Variants in NOA1 observed in about 807,000 individuals in gnomAD.
NOA1 encodes nitric oxide associated 1.
In NOA1, 35 loss-of-function variants were observed where a neutral mutation model predicts 58.4. That is an observed-to-expected ratio of 0.60 (90% CI 0.46 to 0.79). NOA1 has a LOEUF of 0.79. Among genes scored for constraint, NOA1 ranks in the 30% least tolerant of loss-of-function variants. The probability of loss-of-function intolerance (pLI) is 0.00; values close to 1 mark genes in which losing one functional copy is unlikely to be tolerated. For missense variants in NOA1, 895 were observed against 894.6 expected (o/e 1.00, Z -0.01); for synonymous variants, 397 against 373.4 (o/e 1.06, Z -0.73).
At chr4:56,968,929 G>T (rs983061680) in intron 3 of NOA1, among the ~76,000 whole-genome samples, 5 of 152,158 alleles carry the variant, frequency 3.3e-5, no homozygotes, top group Non-Finnish European at 5.9e-5. Flanking sequence ...TGTCCTAGTG[G>T]TAAGTATGCA....
chr4:56,964,667 C>A, intron 5 of NOA1, 141 bp from the exon 6 acceptor site: 1 of 944,870 alleles, frequency 1.1e-6, no homozygotes, highest in Non-Finnish European at 1.6e-6. Context: ...AAAGAACTTG[C>A]AATCACTTCT....
Position 56,968,584 on chromosome 4 carries a change from G to A in NOA1, c.1516-69C>T, listed in dbSNP as rs1028309543. On this transcript the variant is annotated intron_variant, in intron 3 of 6. Coordinates refer to ENST00000264230, the MANE Select transcript of NOA1 (RefSeq NM_032313.4). ...AAATATGATATATTATGATTTACCC[G>A]TAAAATAAAAAGTGATGAAAAATAT... 3.6e-5 allele frequency: 45 copies of A among 1,264,226 alleles called. No homozygotes were observed. The Admixed American group carries it at 4.1e-4, about 12-fold the overall frequency. The allele number at this position is 1,264,226 out of a possible 1,614,324, so 78.3% of individuals were successfully genotyped here.
chr4:56,973,437 GT>G, intron 2 of NOA1, 84 bp from the exon 3 acceptor site: 6 of 1,164,602 alleles, frequency 5.2e-6, no homozygotes, highest in Non-Finnish European at 7.7e-6. Flanking sequence ...CCTCAAACAA[GT>G]TACTAAGATT....
At chr4:56,971,588 G>A (rs565133539) in intron 3 of NOA1, among the ~76,000 whole-genome samples, 39 of 152,144 alleles carry the variant, frequency 2.6e-4, no homozygotes, top group Admixed American at 4.6e-4. Flanking sequence ...ATGTGGTTTT[G>A]TAGGGAGATA....
rs1421002564 is a variant in NOA1 at position 56,973,331 on chromosome 4, C to T, written c.1332G>A (p.Leu444=). 3.7e-6 allele frequency: 6 copies of T among 1,613,882 alleles called. No individual in the cohort carries two copies. Among genetic ancestry groups the T allele is most frequent in the Middle Eastern group, 1.6e-4 (1 of 6,084 alleles). The part of the protein sequence containing the change: ...YVVGRVGRTF[L]YSEEQKDNIP... ...TGTTATCCTTCTGTTCTTCTGAATA[C>T]AAGAATGTCCTTCCAACTCTTCCTA... The change falls in exon 3 of 7, where the codon TTG becomes TTA. Residue 444 remains leucine, a synonymous_variant. Transcript: ENST00000264230.
intron 5 of NOA1, among the ~76,000 whole-genome samples, chr4:56,966,023 T>C (rs904016148): frequency 1.4e-4 from 19 of 138,036 alleles, no homozygotes; most frequent in South Asian, 1.2e-3. Flanking sequence ...ATTTTCTTTT[T>C]TTTTTTTTTT....
At position 56,977,089 on chromosome 4, in the gene NOA1, C is replaced by A. The variant is rs1264226942; in HGVS notation, c.497G>T (p.Arg166Leu). ...PGYLPREKFL[R>L]TAEADGGLAR... ...CAGCCCGCCGTCTGCCTCCGCCGTG[C>A]GGAGGAACTTCTCTCGGGGCAGGTA... The change falls in exon 1 of 7, where the codon CGC (arginine) becomes CTC (leucine). Residue 166 changes from arginine to leucine, a missense_variant. Physicochemically the swap from Arg to Leu is moderately radical, Grantham distance 102 (BLOSUM62 -2). This residue lies in a region of NOA1 where 680 missense variants were observed against 656.5 expected (regional missense o/e 1.04). Transcript: ENST00000264230. The A allele has an allele frequency of 3.9e-5, 61 of 1,569,398 alleles. No homozygotes were observed. The highest frequency in any genetic ancestry group is 5.0e-5 in the Non-Finnish European group (58 of 1,161,444).
At position 56,977,485 on chromosome 4, in the gene NOA1, C is replaced by A; in HGVS notation, c.101G>T (p.Arg34Met). 6.2e-7 allele frequency: 1 copy of A among 1,613,886 alleles called. No individual in the cohort carries two copies. Among genetic ancestry groups the A allele is most frequent in the Non-Finnish European group, 8.5e-7 (1 of 1,180,034 alleles). ...RHGLREPLLE[R>M]RCAAASSFQH... ...GAAGGAGGAGGCGGCAGCGCACCTCCTCTCCAGGAGCGGCTCCCGGAGGCC... is the reference window on the plus strand; with the variant it reads ...GAAGGAGGAGGCGGCAGCGCACCTCATCTCCAGGAGCGGCTCCCGGAGGCC... The change falls in exon 1 of 7, where the codon AGG (arginine) becomes ATG (methionine). Residue 34 changes from arginine to methionine, a missense_variant. Arg to Met is a moderately conservative substitution (Grantham distance 91). Coordinates refer to ENST00000264230, the MANE Select transcript of NOA1 (RefSeq NM_032313.4).
intron 4 of NOA1, among the ~76,000 whole-genome samples, chr4:56,966,988 A>T (rs1721723575): frequency 6.6e-6 from 1 of 152,196 alleles, no homozygotes; most frequent in African/African-American, 2.4e-5. Context: ...TTTTGAAAAA[A>T]GTCTATTATT....
intron 5 of NOA1, among the ~76,000 whole-genome samples, chr4:56,964,857 G>A (rs989891931): frequency 1.3e-5 from 2 of 152,134 alleles, no homozygotes; most frequent in African/African-American, 4.8e-5. Context: ...GGGCAATTAA[G>A]GCACGGTCCT....
chr4:56,973,008 C>T, intron 3 of NOA1, 140 bp downstream of exon 3: 1 of 700,580 alleles, frequency 1.4e-6, no homozygotes, highest in East Asian at 2.6e-5. Flanking sequence ...TCCCATTTAG[C>T]TGGCTCTACA....
rs746303992 is a variant in NOA1, at chr4:56,977,140, T to C, written c.446A>G (p.His149Arg). 17 of 1,557,522 alleles carry C rather than the reference T, an allele frequency of 1.1e-5. No individual in the cohort carries two copies. In the Admixed American group the frequency reaches 2.7e-4, roughly 24 times the overall value. The change falls in exon 1 of 7, where the codon CAC (histidine) becomes CGC (arginine). Residue 149 changes from histidine (H) to arginine (R), a missense_variant. By Grantham distance (29) the His-to-Arg change is conservative (BLOSUM62 0). This residue lies in a region of NOA1 where 680 missense variants were observed against 656.5 expected (regional missense o/e 1.04). Transcript: ENST00000264230. ...GCCGGGCACTCCGGCGTCCTGGCAG[T>C]GCAGCTCTGCCCCACAGCCCGAGCA... ...VNCSGCGAEL[H>R]CQDAGVPGYL...
intron 6 of NOA1, 50 bp downstream of exon 6, chr4:56,964,356 C>T (rs752645061): frequency 2.1e-5 from 33 of 1,609,430 alleles, no homozygotes; most frequent in Middle Eastern, 1.7e-4. Context: ...TGTGAGCCAC[C>T]GTGCCTGCCC....
chr4:56,977,152 C>T lies in NOA1; in HGVS notation c.434G>A (p.Gly145Glu), dbSNP rs1010567847. Reference protein sequence around the residue: ...PPSGVNCSGCGAELHCQDAGV... With the variant: ...PPSGVNCSGCEAELHCQDAGV... ...GGCGTCCTGGCAGTGCAGCTCTGCC[C>T]CACAGCCCGAGCAGTTCACGCCGCT... The change falls in exon 1 of 7, where the codon GGG becomes GAG. Residue 145 changes from glycine to glutamate, a missense_variant. Transcript: ENST00000264230. 4 of 1,558,446 alleles carry T rather than the reference C, an allele frequency of 2.6e-6. No individual in the cohort carries two copies. Among genetic ancestry groups the T allele is most frequent in the Non-Finnish European group, 3.5e-6 (4 of 1,156,462 alleles).
At chr4:56,967,645 A>G (rs569496417) in intron 4 of NOA1, among the ~76,000 whole-genome samples, 1 of 152,262 alleles carries the variant, frequency 6.6e-6, no homozygotes, top group South Asian at 2.1e-4. Context: ...ACACTCCAAA[A>G]TCCCTAGATG....
At position 56,976,585 on chromosome 4, in the gene NOA1, G is replaced by A; in HGVS notation, c.1001C>T (p.Ser334Phe). 6.2e-7 allele frequency: 1 copy of A among 1,614,262 alleles called. No homozygotes were observed. The highest frequency in any genetic ancestry group is 2.2e-5 in the East Asian group (1 of 44,882). The change falls in exon 1 of 7, where the codon TCC (serine) becomes TTC (phenylalanine). Residue 334 changes from serine to phenylalanine, a missense_variant. Physicochemically the swap from Ser to Phe is radical, Grantham distance 155. Transcript: ENST00000264230. ...VEELISALQR[S>F]WRYRGDVYLV... is the part of the protein sequence containing the mutation. The stretch of plus-strand genomic sequence containing the variant: ...GTAGACGTCCCCACGGTAGCGCCAG[G>A]AGCGCTGAAGGGCAGAGATCAACTC...
Position 56,977,152 on chromosome 4 carries a change from C to A in NOA1, c.434G>T (p.Gly145Val). The A allele has an allele frequency of 6.4e-7, 1 of 1,558,444 alleles. No homozygotes were observed. The highest frequency in any genetic ancestry group is 8.6e-7 in the Non-Finnish European group (1 of 1,156,460). Reference protein sequence around the residue: ...PPSGVNCSGCGAELHCQDAGV... With the variant: ...PPSGVNCSGCVAELHCQDAGV... ...GGCGTCCTGGCAGTGCAGCTCTGCCCCACAGCCCGAGCAGTTCACGCCGCT... is the reference window on the plus strand; with the variant it reads ...GGCGTCCTGGCAGTGCAGCTCTGCCACACAGCCCGAGCAGTTCACGCCGCT... Residue 145 changes from glycine to valine, a missense_variant, in exon 1 of 7, where the codon GGG becomes GTG. Coordinates refer to ENST00000264230, the MANE Select transcript of NOA1 (RefSeq NM_032313.4).
In NOA1 at chr4:56,966,018, C is replaced by CTTT. The variant is rs57382498; in HGVS notation, c.1764+599_1764+601dup. Among the ~76,000 whole-genome samples the CTTT allele has an allele frequency of 5.0e-3, 442 of 88,520 alleles. 1 individual carries two copies. The highest frequency in any genetic ancestry group is 8.8e-3 in the Middle Eastern group (1 of 114). The allele number at this position is 88,520 out of a possible 152,430, so 58.1% of individuals were successfully genotyped here. On this transcript the variant is annotated intron_variant, in intron 5 of 6. Coordinates refer to ENST00000264230, the MANE Select transcript of NOA1 (RefSeq NM_032313.4). The stretch of plus-strand genomic sequence containing the variant: ...TACCTGGCTAACTTGAGCAAATTTT[C>CTTT]TTTTTTTTTTTTTTTTTTTTTTGAG...
Position 56,976,921 on chromosome 4 carries a change from T to C in NOA1, c.665A>G (p.Asp222Gly). Residue 222 changes from aspartate (D) to glycine (G), a missense_variant, in exon 1 of 7, where the codon GAC becomes GGC. Physicochemically the swap from Asp to Gly is moderately conservative, Grantham distance 94 (BLOSUM62 -1). Transcript: ENST00000264230. ...PGPSLVLYMV[D>G]LLDLPDALLP... Reference sequence around the variant, plus strand: ...CAGGGCGTCGGGCAGGTCCAGCAGGTCCACCATGTAGAGCACCAGGGAGGG... The same window carrying C: ...CAGGGCGTCGGGCAGGTCCAGCAGGCCCACCATGTAGAGCACCAGGGAGGG... The C allele has an allele frequency of 6.2e-7, 1 of 1,611,078 alleles. No individual in the cohort carries two copies. Among genetic ancestry groups the C allele is most frequent in the South Asian group, 1.1e-5 (1 of 91,046 alleles).
Sources: allele counts gnomAD v4.1 joint callset (sites outside exome capture counted in the v4.1 genomes callset), GRCh38; gene constraint gnomAD v4.1.1; regional missense constraint gnomAD v4.1.1; transcripts MANE v1.5; gene names NCBI Gene and HGNC (gene_info 2026-07-23, HGNC 2026-07-21).